NCALD: variants seen among roughly 807,000 people sequenced by gnomAD.
NCALD encodes the protein neurocalcin delta.
In NCALD, 10 loss-of-function variants were observed where a neutral mutation model predicts 18.6. The ratio of observed to expected loss-of-function variants is 0.54; its 90% CI spans 0.33 to 0.91. The LOEUF is 0.91. NCALD is among the 40% of genes least tolerant of loss of function. NCALD has a pLI of 0.03. For missense variants in NCALD, 184 were observed against 247.6 expected, an observed-to-expected ratio of 0.74 and a Z score of 1.72; for synonymous variants, 88 against 87.4, an observed-to-expected ratio of 1.01 and a Z score of -0.04.
chr8:102,111,977 T>G (rs1047718824), intron 1 of NCALD, among the ~76,000 whole-genome samples: 3 of 152,192 alleles, frequency 2.0e-5, no homozygotes, highest in Admixed American at 6.5e-5. Flanking sequence ...ACTTTTTAAT[T>G]TCAATATTAC....
At chr8:101,838,455 C>T (rs911442154) in intron 4 of NCALD, among the ~76,000 whole-genome samples, 5 of 152,146 alleles carry the variant, frequency 3.3e-5, no homozygotes, top group East Asian at 1.9e-4. Flanking sequence ...CTCTCGACCT[C>T]GTGATCTGCC....
At chr8:101,867,518 C>T (rs1815823007) in intron 4 of NCALD, among the ~76,000 whole-genome samples, 1 of 152,138 alleles carries the variant, frequency 6.6e-6, no homozygotes, top group Non-Finnish European at 1.5e-5. Context: ...AAATTTGATT[C>T]CTTTGGATTT....
chr8:101,758,321 T>C (rs1034133457), intron 1 of NCALD, among the ~76,000 whole-genome samples: 33 of 152,180 alleles, frequency 2.2e-4, no homozygotes, highest in African/African-American at 7.7e-4. Context: ...CTCCATAGGC[T>C]GTCTCCTGCT....
chr8:102,065,255 TC>T lies in NCALD; in HGVS notation c.-209-44967del, dbSNP rs200002090. 6.0e-3 allele frequency among the ~76,000 whole-genome samples: 869 copies of T among 144,450 alleles called. 6 individuals carry two copies. Among genetic ancestry groups the T allele is most frequent in the Middle Eastern group, 0.011 (3 of 276 alleles). The allele number at this position is 144,450 out of a possible 152,430, so 94.8% of individuals were successfully genotyped here. A position where few individuals can be genotyped will look rare whatever the true frequency, so the allele number is the denominator to read the frequency against. On this transcript the variant is annotated intron_variant, in intron 1 of 6. Transcript: ENST00000311028. ...GGTCCTGATGTGAATCAGTGAAGGC[TC>T]TTTTTTTTTTCATATCTGCCCATAT...
intron 1 of NCALD, among the ~76,000 whole-genome samples, chr8:101,781,454 G>A (rs574639041): frequency 6.6e-6 from 1 of 152,250 alleles, no homozygotes; most frequent in South Asian, 2.1e-4. Flanking sequence ...AGCACAACAT[G>A]GGCAATGGCC....
In NCALD at chr8:101,832,142, T is replaced by C. The variant is rs551690471; in HGVS notation, c.-20+54999A>G. Among the ~76,000 whole-genome samples, 9 of 152,284 alleles carry C rather than the reference T, an allele frequency of 5.9e-5. No homozygotes were observed. In the South Asian group the frequency reaches 1.9e-3, roughly 32 times the overall value. On this transcript the variant is annotated intron_variant, in intron 4 of 6. Coordinates refer to the NCALD transcript ENST00000311028. Reference sequence around the variant, plus strand: ...ACCAGGCTTCGTGGTCTGGTGTGCATTTTAACTTACATTATATCTGACTTA... The same window carrying C: ...ACCAGGCTTCGTGGTCTGGTGTGCACTTTAACTTACATTATATCTGACTTA...
upstream of NCALD, chr8:102,124,806 G>T (rs1309283256): frequency 6.6e-6 from 1 of 152,230 alleles, no homozygotes; most frequent in Admixed American, 6.5e-5. Flanking sequence ...TGGGAGGGGG[G>T]CTGCTTTTGT....
intron 1 of NCALD, among the ~76,000 whole-genome samples, chr8:101,754,749 G>A (rs1311431096): frequency 2.6e-5 from 4 of 152,128 alleles, no homozygotes; most frequent in Non-Finnish European, 4.4e-5. Flanking sequence ...AGGTCTCCAG[G>A]TAGTGACAGA....
intron 1 of NCALD, among the ~76,000 whole-genome samples, chr8:102,097,423 G>A (rs1043123140): frequency 2.0e-5 from 3 of 152,172 alleles, no homozygotes; most frequent in Admixed American, 1.3e-4. Flanking sequence ...CCAACCACGC[G>A]GGTGCTTAAG....
chr8:101,893,428 A>G (rs1274133586), intron 3 of NCALD, among the ~76,000 whole-genome samples: 1 of 150,488 alleles, frequency 6.6e-6, no homozygotes, highest in East Asian at 1.9e-4. Flanking sequence ...TGTAAAGACC[A>G]TCGAGACTAG....
At chr8:101,900,118 C>A (rs1817366132) in intron 3 of NCALD, among the ~76,000 whole-genome samples, 1 of 151,812 alleles carries the variant, frequency 6.6e-6, no homozygotes, top group Non-Finnish European at 1.5e-5. Context: ...TGGAAAATTG[C>A]TTAATTTCAT....
chr8:101,697,566 A>G (rs2130070661), intron 2 of NCALD, among the ~76,000 whole-genome samples: 1 of 152,304 alleles, frequency 6.6e-6, no homozygotes, highest in African/African-American at 2.4e-5. Flanking sequence ...GACAAGCCAA[A>G]TCCAGCAGCA....
chr8:102,037,609 G>A (rs56309425), intron 1 of NCALD, among the ~76,000 whole-genome samples: 20,466 of 151,770 alleles, frequency 0.13, 1,722 homozygotes, highest in African/African-American at 0.23. Flanking sequence ...GAGATTAAGG[G>A]CATTTTTTAT....
intron 2 of NCALD, among the ~76,000 whole-genome samples, chr8:101,971,141 C>G (rs554511230): frequency 1.3e-5 from 2 of 152,262 alleles, no homozygotes; most frequent in African/African-American, 4.8e-5. Flanking sequence ...GAATCATGAG[C>G]TAACTAAACC....
Position 101,993,570 on chromosome 8 carries a change from C to A in NCALD, c.-157+26667G>T, listed in dbSNP as rs867217649. 2.0e-5 allele frequency among the ~76,000 whole-genome samples: 3 copies of A among 152,158 alleles called. No homozygotes were observed. In the South Asian group the frequency reaches 6.2e-4, roughly 32 times the overall value. ...ACCAGGAAGTCCCAAGGATGGGAAGCAGGGGCAGGTCTGGCACAGAATGGG... is the reference window on the plus strand; with the variant it reads ...ACCAGGAAGTCCCAAGGATGGGAAGAAGGGGCAGGTCTGGCACAGAATGGG... On this transcript the variant is annotated intron_variant, in intron 2 of 6. Coordinates refer to the NCALD transcript ENST00000311028.
intron 1 of NCALD, among the ~76,000 whole-genome samples, chr8:102,087,556 C>T (rs1563606506): frequency 6.6e-6 from 1 of 152,084 alleles, no homozygotes; most frequent in Admixed American, 6.5e-5. Flanking sequence ...GGGTTTGAGG[C>T]CCAACTTAAG....
intron 2 of NCALD, among the ~76,000 whole-genome samples, chr8:101,992,379 A>T (rs1182995134): frequency 6.6e-6 from 1 of 152,246 alleles, no homozygotes; most frequent in Non-Finnish European, 1.5e-5. Context: ...TTTAAGGCTA[A>T]AAATATAAAT....
chr8:102,032,896 G>T (rs994276794), intron 1 of NCALD, among the ~76,000 whole-genome samples: 1 of 152,084 alleles, frequency 6.6e-6, no homozygotes, highest in Non-Finnish European at 1.5e-5. Flanking sequence ...CTCACCAAGT[G>T]AATCTGGCTA....
At chr8:101,963,439 A>T (rs1026322286) in intron 2 of NCALD, among the ~76,000 whole-genome samples, 1 of 152,050 alleles carries the variant, frequency 6.6e-6, no homozygotes, top group African/African-American at 2.4e-5. Flanking sequence ...CCTGCAACCT[A>T]TCAACTCCTG....
Sources: allele counts gnomAD v4.1 joint callset (sites outside exome capture counted in the v4.1 genomes callset), GRCh38; gene constraint gnomAD v4.1.1; transcripts MANE v1.5; gene names NCBI Gene and HGNC (gene_info 2026-07-23, HGNC 2026-07-21).